SVEP1: variants seen among roughly 807,000 people sequenced by gnomAD.
SVEP1 encodes sushi, von Willebrand factor type A, EGF and pentraxin domain containing 1.
SVEP1 carries 164 observed loss-of-function variants against 367.3 expected under a neutral mutation model. The observed-to-expected ratio is 0.45, with a 90% CI of 0.39 to 0.51. The LOEUF is 0.51. Ranked by LOEUF, SVEP1 falls within the 20% of genes least tolerant of loss-of-function variation. The pLI is 0.00. For missense variants in SVEP1, 4,117 were observed against 4,425.3 expected, an observed-to-expected ratio of 0.93 and a Z score of 1.98; for synonymous variants, 1,666 against 1,611.6, an observed-to-expected ratio of 1.03 and a Z score of -0.81.
At chr9:110,480,072 AT>A (rs1829162019) in intron 12 of SVEP1, among the ~76,000 whole-genome samples, 1 of 152,220 alleles carries the variant, frequency 6.6e-6, no homozygotes, top group African/African-American at 2.4e-5. Flanking sequence ...ATTCCTGGGA[AT>A]TTTTGAAAAA....
At chr9:110,492,466 T>G (rs898408234) in intron 8 of SVEP1, among the ~76,000 whole-genome samples, 2 of 152,092 alleles carry the variant, frequency 1.3e-5, no homozygotes, top group African/African-American at 4.8e-5. Flanking sequence ...CACAGATAAT[T>G]GGGTAATGAA....
At chr9:110,377,160 A>G in intron 45 of SVEP1, 111 bp downstream of exon 45, 1 of 907,996 alleles carries the variant, frequency 1.1e-6, no homozygotes, top group Non-Finnish European at 1.7e-6. Context: ...ACAAGGACTT[A>G]CAGCAAATGA....
intron 40 of SVEP1, among the ~76,000 whole-genome samples, chr9:110,395,177 AAG>A (rs1422854516): frequency 2.0e-5 from 3 of 152,230 alleles, no homozygotes; most frequent in Non-Finnish European, 2.9e-5. Flanking sequence ...TACAAGCCAG[AAG>A]AGAGTGGGGG....
intron 1 of SVEP1, among the ~76,000 whole-genome samples, chr9:110,566,324 TAATAAATA>T (rs199990111): frequency 0.11 from 14,937 of 141,806 alleles, 867 homozygotes; most frequent in East Asian, 0.15. Flanking sequence ...CCTGTCTCCA[TAATAAATA>T]AATAAATAAA....
At chr9:110,366,698 T>TG in intron 47 of SVEP1, 138 bp from the exon 48 acceptor site, 1 of 731,356 alleles carries the variant, frequency 1.4e-6, no homozygotes, top group East Asian at 2.8e-5. Flanking sequence ...TTTATACGGA[T>TG]GGGGGTCATT....
At chr9:110,574,743 C>T (rs201575954) in intron 1 of SVEP1, among the ~76,000 whole-genome samples, 1,553 of 84,704 alleles carry the variant, frequency 0.018, 50 homozygotes, top group South Asian at 0.032. Context: ...AGTCGACCTT[C>T]TTTTTTTTTT....
chr9:110,507,769 TG>T (rs1355487625), intron 5 of SVEP1, among the ~76,000 whole-genome samples: 1 of 152,138 alleles, frequency 6.6e-6, no homozygotes, highest in Non-Finnish European at 1.5e-5. Context: ...AAGTATGAGG[TG>T]GGATTAAAAG....
chr9:110,503,291 GC>G, intron 5 of SVEP1, 74 bp from the exon 6 acceptor site: 1 of 1,422,600 alleles, frequency 7.0e-7, no homozygotes, highest in Non-Finnish European at 9.6e-7. Flanking sequence ...GTTTAGCAAT[GC>G]CTGCACATTG....
At chr9:110,490,071 T>C (rs1408105120) in intron 8 of SVEP1, among the ~76,000 whole-genome samples, 4 of 152,200 alleles carry the variant, frequency 2.6e-5, no homozygotes, top group African/African-American at 9.6e-5. Context: ...GTTTCCATAA[T>C]GTTCTGTAGA....
intron 40 of SVEP1, among the ~76,000 whole-genome samples, chr9:110,390,284 T>TATAC (rs1554710762): frequency 3.8e-5 from 2 of 52,338 alleles, no homozygotes; most frequent in Admixed American, 3.9e-4. Flanking sequence ...CTTATATATA[T>TATAC]ACATACTTAT....
intron 1 of SVEP1, 74 bp from the exon 2 acceptor site, chr9:110,550,178 G>T: frequency 6.4e-7 from 1 of 1,562,938 alleles, no homozygotes. Context: ...CTTACGTAAG[G>T]CAGTACTTGC....
intron 3 of SVEP1, among the ~76,000 whole-genome samples, chr9:110,541,158 T>C (rs1676715162): frequency 6.6e-6 from 1 of 152,184 alleles, no homozygotes; most frequent in Non-Finnish European, 1.5e-5. Flanking sequence ...AAAACCCTTA[T>C]GGGCATTTCT....
At chr9:110,535,807 T>C (rs774725559) in intron 3 of SVEP1, among the ~76,000 whole-genome samples, 2 of 151,970 alleles carry the variant, frequency 1.3e-5, no homozygotes, top group Non-Finnish European at 2.9e-5. Context: ...TTTTTGTACA[T>C]TGATTTTATA....
chr9:110,396,206 G>T (rs903371930), intron 40 of SVEP1, among the ~76,000 whole-genome samples: 2 of 151,588 alleles, frequency 1.3e-5, no homozygotes, highest in South Asian at 2.1e-4. Context: ...ACTCAAAACC[G>T]CTCAACTACA....
intron 3 of SVEP1, among the ~76,000 whole-genome samples, chr9:110,540,898 T>C (rs1016672768): frequency 2.0e-5 from 3 of 152,168 alleles, no homozygotes; most frequent in Non-Finnish European, 4.4e-5. Flanking sequence ...AGCCACCGCC[T>C]TGGCTACAGA....
chr9:110,486,505 A>C (rs746203483), intron 9 of SVEP1, among the ~76,000 whole-genome samples: 27 of 151,986 alleles, frequency 1.8e-4, no homozygotes, highest in Non-Finnish European at 3.7e-4. Flanking sequence ...AAATAAGAAA[A>C]ATGTAAGCTT....
intron 44 of SVEP1, among the ~76,000 whole-genome samples, chr9:110,378,954 T>C (rs1050810311): frequency 1.3e-5 from 2 of 151,966 alleles, no homozygotes; most frequent in African/African-American, 4.8e-5. Flanking sequence ...GGTCAACTCA[T>C]CCAACAACTC....
chr9:110,387,448 A>C lies in SVEP1; in HGVS notation c.9897T>G (p.Cys3299Trp). The change falls in exon 42 of 48, where the codon TGT becomes TGG. Residue 3299 changes from cysteine to tryptophan, a missense_variant. By Grantham distance (215) the Cys-to-Trp change is radical. This residue lies in a region of SVEP1 where 1,765 missense variants were observed against 1,781.1 expected (regional missense o/e 0.99). Transcript: ENST00000374469. ...GGVAICKETR[C>W]ETPLEFLNGK... ...CATTGAGAAATTCAAGTGGAGTTTC[A>C]CACCTGGTCTCTAAAAACAAGAATA... The C allele has an allele frequency of 6.2e-7, 1 of 1,603,264 alleles. No homozygotes were observed. Among genetic ancestry groups the C allele is most frequent in the Non-Finnish European group, 8.5e-7 (1 of 1,177,190 alleles).
At chr9:110,466,482 G>A (rs1828938303) in intron 17 of SVEP1, among the ~76,000 whole-genome samples, 1 of 152,002 alleles carries the variant, frequency 6.6e-6, no homozygotes, top group Admixed American at 6.6e-5. Context: ...CTGGCGGCCG[G>A]GCACGGTGGC....
Sources: gnomAD v4.1 joint callset for allele counts (sites outside exome capture counted in the v4.1 genomes callset) on GRCh38, gnomAD v4.1.1 for gene constraint, gnomAD v4.1.1 regional missense constraint, MANE v1.5 for transcripts, NCBI Gene and HGNC (gene_info 2026-07-23, HGNC 2026-07-21) for gene names.